Variants in GALNT13 observed in about 807,000 individuals in gnomAD.
The protein encoded by GALNT13 is polypeptide N-acetylgalactosaminyltransferase 13.
Under a neutral mutation model 64.2 loss-of-function variants are expected in GALNT13, and 28 were observed. The ratio of observed to expected loss-of-function variants is 0.44; its 90% CI spans 0.32 to 0.60. GALNT13 has a LOEUF of 0.60. GALNT13 is among the 20% of genes least tolerant of loss of function. The pLI is 0.05. For synonymous variants in GALNT13, 214 were observed against 224.6 expected (o/e 0.95, Z 0.42); for missense variants, 577 against 669.8 (o/e 0.86, Z 1.53).
intron 11 of GALNT13, among the ~76,000 whole-genome samples, chr2:154,432,219 GT>G (rs1471306563): frequency 1.3e-5 from 2 of 152,124 alleles, no homozygotes; most frequent in African/African-American, 4.8e-5. Context: ...TAATATAAAA[GT>G]ATTTTGAAAA....
the GALNT13 span, among the ~76,000 whole-genome samples, chr2:153,260,950 A>G: frequency 5.2e-4 from 79 of 152,068 alleles, 1 homozygote; most frequent in South Asian, 0.016. Context: ...CAAGCTCACT[A>G]ATTCTTTTTC....
intron 3 of GALNT13, among the ~76,000 whole-genome samples, chr2:154,096,155 T>G (rs527635039): frequency 1.3e-5 from 2 of 152,164 alleles, no homozygotes; most frequent in African/African-American, 4.8e-5. Context: ...GAATTTGAAG[T>G]CTTCCAGTGG....
chr2:153,662,620 C>T, the GALNT13 span, among the ~76,000 whole-genome samples: 1 of 152,152 alleles, frequency 6.6e-6, no homozygotes, highest in Non-Finnish European at 1.5e-5. Context: ...AATGAGTCTT[C>T]TATAATGAAA....
chr2:154,185,461 C>A (rs2348787), intron 4 of GALNT13, among the ~76,000 whole-genome samples: 2 of 151,754 alleles, frequency 1.3e-5, no homozygotes, highest in Non-Finnish European at 2.9e-5. Context: ...TTTCTCTATC[C>A]CTTCCGAGAT....
At chr2:153,427,177 A>G in the GALNT13 span, among the ~76,000 whole-genome samples, 2 of 152,126 alleles carry the variant, frequency 1.3e-5, no homozygotes, top group Admixed American at 6.6e-5. Flanking sequence ...TTATTAAACA[A>G]TAAATGACTC....
chr2:153,277,411 T>C, the GALNT13 span, among the ~76,000 whole-genome samples: 2 of 152,230 alleles, frequency 1.3e-5, no homozygotes, highest in African/African-American at 4.8e-5. Context: ...CTGTGTCGTA[T>C]TCTGTGGTAT....
At chr2:154,020,026 T>C (rs138829612) in intron 3 of GALNT13, among the ~76,000 whole-genome samples, 10,735 of 152,254 alleles carry the variant, frequency 0.071, 447 homozygotes, top group Middle Eastern at 0.13. Flanking sequence ...ACAAAGGACA[T>C]GAACTCATCA....
At chr2:154,311,936 C>T (rs1574069038) in intron 9 of GALNT13, among the ~76,000 whole-genome samples, 1 of 152,200 alleles carries the variant, frequency 6.6e-6, no homozygotes, top group South Asian at 2.1e-4. Flanking sequence ...CTCTCTTATT[C>T]CCTGAACAAT....
At chr2:153,194,536 C>A in the GALNT13 span, among the ~76,000 whole-genome samples, 1 of 152,136 alleles carries the variant, frequency 6.6e-6, no homozygotes, top group South Asian at 2.1e-4. Context: ...GACTGCACTT[C>A]TTTAATATTA....
intron 12 of GALNT13, among the ~76,000 whole-genome samples, chr2:154,447,632 T>C (rs1019941913): frequency 6.6e-6 from 1 of 151,982 alleles, no homozygotes. Context: ...CACTTAAAGA[T>C]TGTTAGTGGA....
chr2:153,491,878 A>G, the GALNT13 span, among the ~76,000 whole-genome samples: 1 of 152,070 alleles, frequency 6.6e-6, no homozygotes, highest in Non-Finnish European at 1.5e-5. Context: ...TCGGCCTCCC[A>G]AAGAGCTGGG....
chr2:153,082,826 A>T, the GALNT13 span, among the ~76,000 whole-genome samples: 38 of 146,952 alleles, frequency 2.6e-4, no homozygotes, highest in South Asian at 3.0e-3. Context: ...AATATATTTT[A>T]TTTATTTATT....
chr2:153,208,841 T>C, the GALNT13 span, among the ~76,000 whole-genome samples: 2 of 152,078 alleles, frequency 1.3e-5, no homozygotes, highest in South Asian at 4.1e-4. Flanking sequence ...ATTTTAGTGA[T>C]TTTATTAGGT....
At chr2:153,779,626 G>A in the GALNT13 span, among the ~76,000 whole-genome samples, 10 of 152,068 alleles carry the variant, frequency 6.6e-5, no homozygotes, top group African/African-American at 2.4e-4. Flanking sequence ...AGTCCCAAAT[G>A]CATTGCTATG....
the GALNT13 span, among the ~76,000 whole-genome samples, chr2:153,149,639 G>A: frequency 7.4e-4 from 113 of 151,804 alleles, no homozygotes; most frequent in Non-Finnish European, 1.3e-3. Flanking sequence ...TTTTTGCAGT[G>A]TGGGTTACAA....
chr2:153,840,495 A>G, the GALNT13 span, among the ~76,000 whole-genome samples: 1 of 152,042 alleles, frequency 6.6e-6, no homozygotes, highest in East Asian at 1.9e-4. Context: ...TGACTAATAA[A>G]CCACAAAATT....
intron 3 of GALNT13, among the ~76,000 whole-genome samples, chr2:153,977,312 C>T (rs556045848): frequency 3.9e-5 from 6 of 152,244 alleles, no homozygotes; most frequent in African/African-American, 1.4e-4. Context: ...AAAGACATAC[C>T]TGAGACTGGA....
the GALNT13 span, among the ~76,000 whole-genome samples, chr2:153,458,794 T>C: frequency 6.6e-6 from 1 of 152,220 alleles, no homozygotes; most frequent in South Asian, 2.1e-4. Flanking sequence ...TCAAAAATGG[T>C]CTTCTTTTCA....
the GALNT13 span, among the ~76,000 whole-genome samples, chr2:153,495,552 C>G: frequency 1.5e-4 from 23 of 151,954 alleles, no homozygotes; most frequent in East Asian, 3.5e-3. Flanking sequence ...AAAAAGTACT[C>G]AAAAAAACAA....
Sources: allele counts gnomAD v4.1 joint callset (sites outside exome capture counted in the v4.1 genomes callset), GRCh38; gene constraint gnomAD v4.1.1; transcripts MANE v1.5; gene names NCBI Gene and HGNC (gene_info 2026-07-23, HGNC 2026-07-21).